VRTN: variants seen among roughly 807,000 people sequenced by gnomAD.
The protein encoded by VRTN is vertnin.
In VRTN, 5 loss-of-function variants were observed where a neutral mutation model predicts 18.2. The observed-to-expected ratio is 0.27, with a 90% CI of 0.14 to 0.58. The LOEUF (loss-of-function observed/expected upper bound fraction) is 0.58, where lower values mean the gene tolerates loss of function less well. Ranked by LOEUF, VRTN falls within the 20% of genes least tolerant of loss-of-function variation. The pLI is 0.91. For synonymous variants in VRTN, 381 were observed against 393.7 expected (o/e 0.97, Z 0.38); for missense variants, 741 against 939.4 (o/e 0.79, Z 2.76).
intron 1 of VRTN, among the ~76,000 whole-genome samples, chr14:74,352,593 C>T (rs1349965418): frequency 6.6e-6 from 1 of 152,062 alleles, no homozygotes; most frequent in Admixed American, 6.5e-5. Flanking sequence ...CTCTGTTGCT[C>T]AGGCTGAAGT....
Position 74,357,037 on chromosome 14 carries a change from T to G in VRTN, c.254T>G (p.Leu85Arg). The G allele has an allele frequency of 6.2e-7, 1 of 1,609,264 alleles. No individual in the cohort carries two copies. Among genetic ancestry groups the G allele is most frequent in the Non-Finnish European group, 8.5e-7 (1 of 1,177,766 alleles). ...LPLVCKGEGS[L>R]LFEAASMLLW... ...CTGGTGTGCAAGGGGGAGGGCAGCC[T>G]GCTGTTCGAGGCGGCCAGCATGCTG... is the stretch of plus-strand genomic sequence containing the variant. Residue 85 changes from leucine to arginine, a missense_variant, in exon 2 of 2, where the codon CTG becomes CGG. By Grantham distance (102) the Leu-to-Arg change is moderately radical (BLOSUM62 -2). This residue lies in a region of VRTN where 186 missense variants were observed against 288.3 expected (regional missense o/e 0.65). Transcript: ENST00000256362. This position sits in a 1 kb window ranked among gnomAD's most constrained non-coding sequence, Gnocchi z 7.8.
chr14:74,344,246 CA>C (rs71115985), upstream of VRTN, among the ~76,000 whole-genome samples: 20 of 32,514 alleles, frequency 6.2e-4, 1 homozygote, highest in Non-Finnish European at 6.9e-4. Context: ...CTGCTTTCTA[CA>C]AAAAAAAAAA....
intron 1 of VRTN, among the ~76,000 whole-genome samples, chr14:74,324,761 G>GC (rs11411227): frequency 1 from 152,188 of 152,190 alleles, 76,093 homozygotes; most frequent in Non-Finnish European, 1. Flanking sequence ...GGTGGCGCAT[G>GC]CTATGGCCCC....
At chr14:74,309,610 T>C (rs2085375404) in intron 1 of VRTN, among the ~76,000 whole-genome samples, 1 of 152,104 alleles carries the variant, frequency 6.6e-6, no homozygotes, top group African/African-American at 2.4e-5. Context: ...GGCAGGAGGA[T>C]TGCTTGAGCC....
intron 1 of VRTN, among the ~76,000 whole-genome samples, chr14:74,330,954 C>CT (rs980195756): frequency 1.2e-4 from 18 of 151,822 alleles, no homozygotes; most frequent in African/African-American, 3.4e-4. Context: ...AATCCCAGCA[C>CT]TTTGAGAGGC....
chr14:74,330,823 A>C (rs1036695645), intron 1 of VRTN, among the ~76,000 whole-genome samples: 2 of 152,116 alleles, frequency 1.3e-5, no homozygotes, highest in African/African-American at 2.4e-5. Flanking sequence ...GCAAGAGCAG[A>C]AAGAAGGGAA....
intron 1 of VRTN, among the ~76,000 whole-genome samples, chr14:74,332,706 C>T (rs1208391622): frequency 6.6e-6 from 1 of 151,946 alleles, no homozygotes; most frequent in Non-Finnish European, 1.5e-5. Flanking sequence ...TGCCCTTGGG[C>T]ATTGTCCCAT....
At position 74,358,648 on chromosome 14, in the gene VRTN, G is replaced by C; in HGVS notation, c.1865G>C (p.Gly622Ala). The change falls in exon 2 of 2, where the codon GGG (glycine) becomes GCG (alanine). Residue 622 changes from glycine (G) to alanine (A), a missense_variant. Coordinates refer to ENST00000256362, the MANE Select transcript of VRTN (RefSeq NM_018228.3). This position sits in a 1 kb window ranked among gnomAD's most constrained non-coding sequence, Gnocchi z 5.4. ...GATAQGQPHSGPLLSQPVVAA... is the reference protein window; with the variant it reads ...GATAQGQPHSAPLLSQPVVAA... ...ACAGCCCAGGGCCAGCCCCACAGTG[G>C]GCCCTTGCTGAGCCAACCTGTGGTG... 1 of 1,610,570 alleles carries C rather than the reference G, an allele frequency of 6.2e-7. No homozygotes were observed. The highest frequency in any genetic ancestry group is 8.5e-7 in the Non-Finnish European group (1 of 1,178,122).
intron 1 of VRTN, among the ~76,000 whole-genome samples, chr14:74,335,513 T>C (rs2085557768): frequency 2.0e-5 from 1 of 48,860 alleles, no homozygotes; most frequent in Non-Finnish European, 3.7e-5. Context: ...CTGTACTAAA[T>C]GCCTGACTTG....
intron 1 of VRTN, chr14:74,305,664 T>C (rs557665830): frequency 3.7e-4 from 58 of 156,636 alleles, no homozygotes; most frequent in South Asian, 7.5e-4. Context: ...GATTTTTTTT[T>C]AGACTTGTCC....
At chr14:74,344,594 G>A (rs999588405), upstream of VRTN, among the ~76,000 whole-genome samples, 16 of 151,082 alleles carry the variant, frequency 1.1e-4, no homozygotes, top group Admixed American at 1.1e-3. Flanking sequence ...ATTAGCAGGG[G>A]CGTGGTGGTG....
At chr14:74,348,189 T>A (rs1342449563), upstream of VRTN, among the ~76,000 whole-genome samples, 1 of 152,140 alleles carries the variant, frequency 6.6e-6, no homozygotes, top group Non-Finnish European at 1.5e-5. Flanking sequence ...TTCCCCTAGG[T>A]CTTTCGATCT....
chr14:74,328,663 T>C (rs887995869), intron 1 of VRTN, among the ~76,000 whole-genome samples: 1 of 152,234 alleles, frequency 6.6e-6, no homozygotes, highest in Non-Finnish European at 1.5e-5. Flanking sequence ...AATTTTATAC[T>C]GACAAGGAAA....
rs563917006 is a variant in VRTN, at chr14:74,358,280, A to G, written c.1497A>G (p.Pro499=). 98 of 1,611,112 alleles carry G rather than the reference A, an allele frequency of 6.1e-5. 1 individual carries two copies. In the South Asian group the frequency reaches 9.4e-4, roughly 16 times the overall value. ...EDPPAPGELL[P]LRMPLSRWQR... ...CTCCCGCCCCCGGGGAGCTCCTGCC[A>G]CTAAGGATGCCCCTGTCCCGTTGGC... Residue 499 remains proline (P), a synonymous_variant, in exon 2 of 2, where the codon CCA becomes CCG. Transcript: ENST00000256362. This position sits in a 1 kb window ranked among gnomAD's most constrained non-coding sequence, Gnocchi z 5.4.
At chr14:74,315,485 G>C (rs1039485154) in intron 1 of VRTN, among the ~76,000 whole-genome samples, 6 of 152,150 alleles carry the variant, frequency 3.9e-5, no homozygotes, top group Admixed American at 2.0e-4. Context: ...GACTGCTTGA[G>C]GCCAAGAGTT....
intron 1 of VRTN, among the ~76,000 whole-genome samples, chr14:74,325,280 T>C (rs2085481011): frequency 6.6e-6 from 1 of 151,976 alleles, no homozygotes; most frequent in Non-Finnish European, 1.5e-5. Flanking sequence ...GATTTGGGAA[T>C]ATGGTATATA....
chr14:74,357,483 C>T lies in VRTN; in HGVS notation c.700C>T (p.His234Tyr), dbSNP rs2085738567. 2.5e-6 allele frequency: 4 copies of T among 1,612,480 alleles called. No homozygotes were observed. Among genetic ancestry groups the T allele is most frequent in the South Asian group, 1.1e-5 (1 of 91,076 alleles). ...GCCCCTCACCAGCCACTTCTTCCGC[C>T]ACCAGTACTTTGCCCCTGTGGTGGG... is the stretch of plus-strand genomic sequence containing the variant. ...GQPLTSHFFR[H>Y]QYFAPVVGLE... Residue 234 changes from histidine (H) to tyrosine (Y), a missense_variant, in exon 2 of 2, where the codon CAC (histidine) becomes TAC (tyrosine). His to Tyr is a moderately conservative substitution (Grantham distance 83). Transcript: ENST00000256362. This position sits in a 1 kb window ranked among gnomAD's most constrained non-coding sequence, Gnocchi z 7.8.
chr14:74,340,884 G>A (rs1307556265), intron 2 of VRTN, among the ~76,000 whole-genome samples: 1 of 152,050 alleles, frequency 6.6e-6, no homozygotes, highest in Non-Finnish European at 1.5e-5. Flanking sequence ...CTGAGTAGCT[G>A]GAGTACGCGC....
intron 1 of VRTN, among the ~76,000 whole-genome samples, chr14:74,312,829 G>A (rs533278841): frequency 3.6e-5 from 5 of 139,664 alleles, no homozygotes; most frequent in South Asian, 2.3e-4. Flanking sequence ...TGCAACCTTC[G>A]CCTCCCAGGT....
Sources: gnomAD v4.1 joint callset for allele counts (sites outside exome capture counted in the v4.1 genomes callset) on GRCh38, gnomAD v4.1.1 for gene constraint, gnomAD v4.1.1 regional missense constraint, Gnocchi (gnomAD v3.1) non-coding constraint, MANE v1.5 for transcripts, NCBI Gene and HGNC (gene_info 2026-07-23, HGNC 2026-07-21) for gene names.